DDX21: variants seen among roughly 807,000 people sequenced by gnomAD.
DDX21 encodes the protein DExD-box helicase 21.
In DDX21, 18 loss-of-function variants were observed where a neutral mutation model predicts 90.0. The observed-to-expected ratio is 0.20, with a 90% confidence interval of 0.14 to 0.30. The LOEUF is 0.30. Among genes scored for constraint, DDX21 ranks in the 10% least tolerant of loss-of-function variants. The pLI, the probability that DDX21 is intolerant of heterozygous loss-of-function variation, is 1.00. For synonymous variants in DDX21, 294 were observed against 318.0 expected (o/e 0.92, Z 0.80); for missense variants, 673 against 944.5 (o/e 0.71, Z 3.77).
At chr10:68,979,490 C>A (rs111963302) in intron 13 of DDX21, among the ~76,000 whole-genome samples, 208 of 152,274 alleles carry the variant, frequency 1.4e-3, no homozygotes, top group Non-Finnish European at 2.4e-3. Context: ...TTGATACTTA[C>A]TGTATTAGAA....
intron 11 of DDX21, among the ~76,000 whole-genome samples, chr10:68,975,743 T>C (rs1261289196): frequency 6.6e-6 from 1 of 151,528 alleles, no homozygotes; most frequent in African/African-American, 2.4e-5. Context: ...TGAAACTCCA[T>C]CTCTATAAAA....
chr10:68,982,057 G>C (rs1402757982), intron 14 of DDX21, among the ~76,000 whole-genome samples: 1 of 152,128 alleles, frequency 6.6e-6, no homozygotes, highest in Non-Finnish European at 1.5e-5. Context: ...ATTTTTAGTA[G>C]AGACGGGGGT....
chr10:68,970,248 G>C lies in DDX21; in HGVS notation c.1284G>C (p.Gly428=). The C allele has an allele frequency of 6.2e-7, 1 of 1,613,778 alleles. No homozygotes were observed. Among genetic ancestry groups the C allele is most frequent in the Non-Finnish European group, 8.5e-7 (1 of 1,179,864 alleles). ...GGACTCAGAGGGCAGCAGTTATTGG[G>C]GATGTCATCCGAGTATATAGTGGTC... The part of the protein sequence containing the change: ...CHWTQRAAVI[G]DVIRVYSGHQ... Residue 428 remains glycine, a synonymous_variant, in exon 8 of 15, where the codon GGG becomes GGC. Transcript: ENST00000354185.
chr10:68,974,073 TC>T (rs1276812227), intron 10 of DDX21, among the ~76,000 whole-genome samples: 2 of 152,218 alleles, frequency 1.3e-5, no homozygotes, highest in South Asian at 4.1e-4. Flanking sequence ...GTCTCCTTCC[TC>T]TTGAGTGGAC....
intron 14 of DDX21, 64 bp downstream of exon 14, chr10:68,981,645 TAG>T: frequency 7.7e-7 from 1 of 1,295,438 alleles, no homozygotes. Context: ...ATTATGAAAA[TAG>T]AGAATAATAG....
intron 2 of DDX21, among the ~76,000 whole-genome samples, chr10:68,961,260 T>TC (rs1272376249): frequency 6.6e-6 from 1 of 152,232 alleles, no homozygotes; most frequent in Non-Finnish European, 1.5e-5. Context: ...TAATAGATTT[T>TC]CTTTTTGCTA....
At chr10:68,964,150 C>G in intron 4 of DDX21, 1 of 407,814 alleles carries the variant, frequency 2.5e-6, no homozygotes, top group Admixed American at 3.1e-5. Flanking sequence ...AAGGGCAAGT[C>G]AGAGGTGAAA....
At position 68,968,979 on chromosome 10, in the gene DDX21, C is replaced by G; in HGVS notation, c.1094C>G (p.Ser365Cys). 1 of 1,611,862 alleles carries G rather than the reference C, an allele frequency of 6.2e-7. No individual in the cohort carries two copies. The highest frequency in any genetic ancestry group is 8.5e-7 in the Non-Finnish European group (1 of 1,179,296). The change falls in exon 7 of 15, where the codon TCT becomes TGT. Residue 365 changes from serine (S) to cysteine (C), a missense_variant. Ser to Cys is a moderately radical substitution (Grantham distance 112). Transcript: ENST00000354185. ...EILSVAYKKDSEDNPQTLLFS... is the reference protein window; with the variant it reads ...EILSVAYKKDCEDNPQTLLFS... The stretch of plus-strand genomic sequence containing the variant: ...TTTTTTTTCCCCCTCCTCAAAGATT[C>G]TGAAGACAATCCCCAAACATTGCTT...
chr10:68,982,424 G>C, intron 14 of DDX21, 119 bp from the exon 15 acceptor site: 1 of 1,377,034 alleles, frequency 7.3e-7, no homozygotes, highest in Non-Finnish European at 9.7e-7. Context: ...CCAGTGACTT[G>C]TTAAGCACTT....
At chr10:68,968,839 G>T (rs1842979264) in intron 6 of DDX21, 137 bp from the exon 7 acceptor site, 1 of 833,300 alleles carries the variant, frequency 1.2e-6, no homozygotes, top group Non-Finnish European at 1.8e-6. Flanking sequence ...TTCCAGTTTT[G>T]TGTCCTCAGT....
intron 4 of DDX21, chr10:68,964,101 GA>G (rs750726882): frequency 0.083 from 19,230 of 231,814 alleles, 2 homozygotes; most frequent in Middle Eastern, 0.14. Flanking sequence ...TCCGTCTCAA[GA>G]AAAAAAAAAA....
In DDX21 at chr10:68,984,817, T is replaced by TG. The variant is rs778755636; in HGVS notation, c.*2007dup. On this transcript the variant is annotated 3_prime_UTR_variant, in exon 15 of 15. Coordinates refer to ENST00000354185, the MANE Select transcript of DDX21 (RefSeq NM_004728.4). ...TTCAATAAAGGACTAAAGTTTCTCC[T>TG]GGATCCCAGAATTCAACCTGTATTT... 3.9e-5 allele frequency: 6 copies of TG among 152,214 alleles called. No individual in the cohort carries two copies. Among genetic ancestry groups the TG allele is most frequent in the Non-Finnish European group, 7.4e-5 (5 of 68,026 alleles). The allele number at this position is 152,214 out of a possible 1,614,324, so 9.4% of individuals were successfully genotyped here. A position where few individuals can be genotyped will look rare whatever the true frequency, so the allele number is the denominator to read the frequency against.
Position 68,970,276 on chromosome 10 carries a change from C to CTTCACA in DDX21, c.1312_1313insTTCACA (p.Gln438delinsLeuHisLys), listed in dbSNP as rs1843003773. ...TGTCATCCGAGTATATAGTGGTCATCAAGGACGCACTATCATCTTTTGTGA... is the reference window on the plus strand; with the variant it reads ...TGTCATCCGAGTATATAGTGGTCATCTTCACAAAGGACGCACTATCATCTTTTGTGA... On this transcript the variant is annotated protein_altering_variant, in exon 8 of 15. Transcript: ENST00000354185. The CTTCACA allele has an allele frequency of 6.2e-7, 1 of 1,614,020 alleles. No homozygotes were observed. The highest frequency in any genetic ancestry group is 1.3e-5 in the African/African-American group (1 of 75,002).
chr10:68,979,919 C>T lies in DDX21; in HGVS notation c.2037+943C>T, dbSNP rs16925983. Among the ~76,000 whole-genome samples the T allele has an allele frequency of 5.4e-4, 83 of 152,302 alleles. No homozygotes were observed. The East Asian group carries it at 0.015, about 28-fold the overall frequency. On this transcript the variant is annotated intron_variant, in intron 13 of 14. Transcript: ENST00000354185. The stretch of plus-strand genomic sequence containing the variant: ...CCCAGTACACCATGCTTTATCTCAT[C>T]CTCAGTGCATGCTGAACCTACTATT...
chr10:68,970,097 G>A, intron 7 of DDX21, 104 bp from the exon 8 acceptor site: 2 of 1,141,972 alleles, frequency 1.8e-6, no homozygotes, highest in Non-Finnish European at 2.4e-6. Flanking sequence ...GTTTCCAGGA[G>A]CAAGACATTA....
In DDX21 at chr10:68,956,738, G is replaced by A. The variant is rs1054314034; in HGVS notation, c.87+426G>A. 7.8e-6 allele frequency: 8 copies of A among 1,024,136 alleles called. No individual in the cohort carries two copies. The South Asian group carries it at 1.8e-4, about 23-fold the overall frequency. The allele number at this position is 1,024,136 out of a possible 1,614,324, so 63.4% of individuals were successfully genotyped here. ...TGAGCGTGCGCGAAGGAAGTTACAC[G>A]TCAAGTCAAAGTGGGTACTGGAGGC... On this transcript the variant is annotated intron_variant, in intron 1 of 14. Coordinates refer to ENST00000354185, the MANE Select transcript of DDX21 (RefSeq NM_004728.4).
chr10:68,963,532 G>T, intron 4 of DDX21, 63 bp downstream of exon 4: 1 of 1,448,010 alleles, frequency 6.9e-7, no homozygotes, highest in Non-Finnish European at 9.3e-7. Flanking sequence ...TGGGCATTGT[G>T]TACATACCCT....
intron 13 of DDX21, among the ~76,000 whole-genome samples, chr10:68,980,045 A>G (rs914516925): frequency 5.3e-5 from 8 of 152,176 alleles, no homozygotes; most frequent in African/African-American, 1.9e-4. Flanking sequence ...GTTTGAGACC[A>G]GCCTGACCAA....
At chr10:68,973,455 A>T (rs985043223) in intron 9 of DDX21, 90 bp from the exon 10 acceptor site, 31 of 1,527,136 alleles carry the variant, frequency 2.0e-5, no homozygotes, top group Non-Finnish European at 2.6e-5. Context: ...TTATAACCAC[A>T]ATTGCTAGTG....
Sources: allele counts gnomAD v4.1 joint callset (sites outside exome capture counted in the v4.1 genomes callset), GRCh38; gene constraint gnomAD v4.1.1; transcripts MANE v1.5; gene names NCBI Gene and HGNC (gene_info 2026-07-23, HGNC 2026-07-21).